Variants in CD6 observed in about 807,000 individuals in gnomAD.
The protein encoded by CD6 is CD6 molecule.
A neutral mutation model predicts 75.3 loss-of-function variants in CD6; 53 were observed. That is an observed-to-expected ratio of 0.70 (90% CI 0.56 to 0.88). The LOEUF is 0.88. CD6 is among the 40% of genes least tolerant of loss of function. The probability of loss-of-function intolerance (pLI) is 0.00; values close to 1 mark genes in which losing one functional copy is unlikely to be tolerated. For missense variants in CD6, 770 were observed against 897.1 expected, an observed-to-expected ratio of 0.86 and a Z score of 1.81; for synonymous variants, 359 against 381.5, an observed-to-expected ratio of 0.94 and a Z score of 0.69.
At chr11:61,001,150 G>T (rs1425448696) in intron 1 of CD6, among the ~76,000 whole-genome samples, 1 of 148,456 alleles carries the variant, frequency 6.7e-6, no homozygotes, top group Non-Finnish European at 1.5e-5. Flanking sequence ...ATTTTTCAAT[G>T]TTTTGTCATT....
chr11:60,982,696 T>C (rs1857622758), intron 1 of CD6: 1 of 455,906 alleles, frequency 2.2e-6, no homozygotes. Context: ...ATTCTAGAAG[T>C]ATGACAATGT....
rs551098442 is a variant in CD6 at position 61,001,284 on chromosome 11, A to G, written c.50-5290A>G. On this transcript the variant is annotated intron_variant, in intron 1 of 12. Coordinates refer to ENST00000313421, the MANE Select transcript of CD6 (RefSeq NM_006725.5). ...AGTGGCGTGATCTCAGCTCACTGCAACCTCTGCCTCCTGGGTTCAAGCGAT... is the reference window on the plus strand; with the variant it reads ...AGTGGCGTGATCTCAGCTCACTGCAGCCTCTGCCTCCTGGGTTCAAGCGAT... 1.3e-4 allele frequency among the ~76,000 whole-genome samples: 20 copies of G among 148,154 alleles called. No homozygotes were observed. In the East Asian group the frequency reaches 3.2e-3, roughly 24 times the overall value.
At chr11:60,996,172 G>A (rs1302690417) in intron 1 of CD6, among the ~76,000 whole-genome samples, 1 of 152,134 alleles carries the variant, frequency 6.6e-6, no homozygotes, top group African/African-American at 2.4e-5. Flanking sequence ...CCATCTCGTG[G>A]TCTTGCTTTG....
intron 9 of CD6, 121 bp downstream of exon 9, chr11:61,015,956 T>C: frequency 8.0e-7 from 1 of 1,255,532 alleles, no homozygotes. Context: ...AGAATCCCCC[T>C]GGTTACCCAC....
intron 1 of CD6, among the ~76,000 whole-genome samples, chr11:60,993,100 CG>C (rs964294506): frequency 7.9e-5 from 12 of 152,060 alleles, no homozygotes; most frequent in African/African-American, 2.2e-4. Flanking sequence ...CGGTCTGGCA[CG>C]GGAGCCTGAG....
chr11:61,011,074 C>T lies in CD6; in HGVS notation c.1089C>T (p.Ser363=). The change falls in exon 6 of 13, where the codon TCC becomes TCT. Residue 363 remains serine, a synonymous_variant. Transcript: ENST00000313421. ...SLAARVLCSA[S]RSLHNLSTPE... is the part of the protein sequence containing the mutation. ...CTGGGCGGTGCTTTCTGACAGCTTC[C>T]CGGAGTTTGCACAATCTGTCCACTC... is the stretch of plus-strand genomic sequence containing the variant. The T allele has an allele frequency of 1.9e-6, 3 of 1,614,024 alleles. No homozygotes were observed. The South Asian group carries it at 3.3e-5, about 18-fold the overall frequency.
intron 7 of CD6, 145 bp downstream of exon 7, chr11:61,013,708 GC>G: frequency 1.1e-6 from 1 of 950,800 alleles, no homozygotes; most frequent in Non-Finnish European, 1.6e-6. Context: ...TTCCCAGCAT[GC>G]CCAGCAGTCA....
In CD6 at chr11:61,011,177, A is replaced by ATGTGTGTGTGTGTG. The variant is rs748002885; in HGVS notation, c.1150+42_1150+43insTGTGTGTGTGTGTG. 85 of 647,836 alleles carry ATGTGTGTGTGTGTG rather than the reference A, an allele frequency of 1.3e-4. No homozygotes were observed. The East Asian group carries it at 4.1e-3, about 31-fold the overall frequency. 40.1% of individuals were successfully genotyped at this position (647,836 alleles called of 1,614,324 possible). A position where few individuals can be genotyped will look rare whatever the true frequency, so the allele number is the denominator to read the frequency against. On this transcript the variant is annotated intron_variant, in intron 6 of 12. Transcript: ENST00000313421. ...ACTACGCGGTTTCTCAGAAGCTTGG[A>ATGTGTGTGTGTGTG]CGTGTGTGTGTGTGTGTGTGTGTGT...
intron 1 of CD6, among the ~76,000 whole-genome samples, chr11:60,977,322 C>T (rs549752657): frequency 4.0e-5 from 6 of 150,470 alleles, no homozygotes; most frequent in Non-Finnish European, 7.4e-5. Context: ...CTCCCAGGTG[C>T]GTGGCCATCC....
At chr11:60,974,988 C>T (rs1857313717) in intron 1 of CD6, among the ~76,000 whole-genome samples, 1 of 152,160 alleles carries the variant, frequency 6.6e-6, no homozygotes, top group African/African-American at 2.4e-5. Context: ...TGTGCTCTGG[C>T]TGGCGAGGTC....
At chr11:61,010,905 T>G (rs1859107932) in intron 5 of CD6, among the ~76,000 whole-genome samples, 165 bp from the exon 6 acceptor site, 3 of 147,554 alleles carry the variant, frequency 2.0e-5, no homozygotes, top group East Asian at 2.1e-4. Flanking sequence ...CTGTGGGGGG[T>G]GGGGTAGGGG....
chr11:60,993,979 A>G (rs553681506), intron 1 of CD6, among the ~76,000 whole-genome samples: 26 of 152,202 alleles, frequency 1.7e-4, no homozygotes, highest in African/African-American at 6.3e-4. Context: ...AGTCATGTTG[A>G]TCTTATCTTT....
At position 61,015,772 on chromosome 11, in the gene CD6, G is replaced by A; in HGVS notation, c.1447G>A (p.Asp483Asn). 1 of 1,614,210 alleles carries A rather than the reference G, an allele frequency of 6.2e-7. No individual in the cohort carries two copies. Among genetic ancestry groups the A allele is most frequent in the South Asian group, 1.1e-5 (1 of 91,084 alleles). Reference protein sequence around the residue: ...PPPEDSDSGSDSDYEHYDFSA... With the variant: ...PPPEDSDSGSNSDYEHYDFSA... Reference sequence around the variant, plus strand: ...CCCTGAGGACTCAGACTCTGGCTCGGACTCAGACTATGAGCACTATGACTT... The same window carrying A: ...CCCTGAGGACTCAGACTCTGGCTCGAACTCAGACTATGAGCACTATGACTT... Residue 483 changes from aspartate to asparagine, a missense_variant, in exon 9 of 13, where the codon GAC becomes AAC. Asp to Asn is a conservative substitution (Grantham distance 23). Coordinates refer to ENST00000313421, the MANE Select transcript of CD6 (RefSeq NM_006725.5).
intron 1 of CD6, among the ~76,000 whole-genome samples, chr11:60,972,543 T>C (rs1481367519): frequency 6.6e-6 from 1 of 152,172 alleles, no homozygotes; most frequent in Non-Finnish European, 1.5e-5. Flanking sequence ...GGCCAGAAGG[T>C]TTGGGGCACT....
intron 1 of CD6, chr11:60,982,537 A>C (rs1322650689): frequency 2.2e-6 from 1 of 454,438 alleles, no homozygotes; most frequent in African/African-American, 2.0e-5. Flanking sequence ...AGAGCTGAGG[A>C]AGCCCCCCAG....
At position 60,982,042 on chromosome 11, in the gene CD6, G is replaced by A. The variant is rs570274405; in HGVS notation, c.49+10128G>A. Among the ~76,000 whole-genome samples the A allele has an allele frequency of 2.1e-4, 16 of 77,872 alleles. No homozygotes were observed. The East Asian group carries it at 6.9e-3, about 34-fold the overall frequency. The allele number at this position is 77,872 out of a possible 152,430, so 51.1% of individuals were successfully genotyped here. On this transcript the variant is annotated intron_variant, in intron 1 of 12. Coordinates refer to ENST00000313421, the MANE Select transcript of CD6 (RefSeq NM_006725.5). Reference sequence around the variant, plus strand: ...ACCCTGAGCTGGGCTGAGGTCTCCGGGAGGTGCCAGCAGATGCCAGGGTGG... The same window carrying A: ...ACCCTGAGCTGGGCTGAGGTCTCCGAGAGGTGCCAGCAGATGCCAGGGTGG...
At chr11:61,014,832 T>C (rs985224563) in intron 8 of CD6, among the ~76,000 whole-genome samples, 6 of 152,150 alleles carry the variant, frequency 3.9e-5, no homozygotes, top group African/African-American at 1.2e-4. Context: ...CCTTGCATTA[T>C]GAATGTATTC....
intron 1 of CD6, among the ~76,000 whole-genome samples, chr11:60,977,021 A>C (rs1353057206): frequency 1.3e-5 from 2 of 152,124 alleles, no homozygotes; most frequent in African/African-American, 4.8e-5. Flanking sequence ...GACTGATGAC[A>C]GTTAGCGTGG....
chr11:61,011,795 C>T (rs1405614152), intron 6 of CD6, among the ~76,000 whole-genome samples: 5 of 152,238 alleles, frequency 3.3e-5, no homozygotes, highest in Admixed American at 3.3e-4. Context: ...CAACTCCCAG[C>T]TGTGCCTCTT....
Sources: allele counts gnomAD v4.1 joint callset (sites outside exome capture counted in the v4.1 genomes callset), GRCh38; gene constraint gnomAD v4.1.1; transcripts MANE v1.5; gene names NCBI Gene and HGNC (gene_info 2026-07-23, HGNC 2026-07-21).